Variants in ABLIM3 observed in about 807,000 individuals in gnomAD.
ABLIM3 encodes the protein actin-binding LIM protein 3.
ABLIM3 carries 61 observed loss-of-function variants against 109.5 expected under a neutral mutation model. The ratio of observed to expected loss-of-function variants is 0.56; its 90% CI spans 0.45 to 0.69. The LOEUF (loss-of-function observed/expected upper bound fraction) is 0.69, where lower values mean the gene tolerates loss of function less well. Among genes scored for constraint, ABLIM3 ranks in the 30% least tolerant of loss-of-function variants. ABLIM3 has a pLI of 0.00. For synonymous variants in ABLIM3, 300 were observed against 324.8 expected (o/e 0.92, Z 0.82); for missense variants, 796 against 889.5 (o/e 0.89, Z 1.34).
intron 8 of ABLIM3, chr5:149,219,602 C>T (rs367933004): frequency 1.3e-5 from 2 of 152,202 alleles, no homozygotes; most frequent in South Asian, 2.1e-4. Flanking sequence ...CCACTTTACC[C>T]CTGGGACCCA....
chr5:149,173,931 A>G (rs368453272), intron 2 of ABLIM3, among the ~76,000 whole-genome samples: 22 of 149,614 alleles, frequency 1.5e-4, no homozygotes, highest in African/African-American at 5.4e-4. Context: ...CTGAGGCAGG[A>G]GAATGGCGTG....
intron 23 of ABLIM3, among the ~76,000 whole-genome samples, chr5:149,253,319 G>A (rs1041140474): frequency 6.6e-6 from 1 of 152,180 alleles, no homozygotes; most frequent in African/African-American, 2.4e-5. Context: ...GCATAAGTAA[G>A]TCTTGAGTCA....
At chr5:149,213,747 G>A (rs1490948023) in intron 7 of ABLIM3, among the ~76,000 whole-genome samples, 11 of 152,054 alleles carry the variant, frequency 7.2e-5, no homozygotes, top group Admixed American at 3.3e-4. Context: ...CTCCCAGGCA[G>A]CTGTTGTGAC....
chr5:149,178,981 C>T lies in ABLIM3; in HGVS notation c.14-4471C>T, dbSNP rs79609903. ...TGGAACCCAGGTTACCCCAGCCACA[C>T]GGAGACAAAGAACAACAGATGAGAG... On this transcript the variant is annotated intron_variant, in intron 2 of 23. Transcript: ENST00000309868. Among the ~76,000 whole-genome samples, 1,823 of 152,190 alleles carry T rather than the reference C, an allele frequency of 0.012. 84 individuals are homozygous for T. In the East Asian group the frequency reaches 0.15, roughly 13 times the overall value.
At chr5:149,241,940 C>G (rs143515671) in intron 14 of ABLIM3, among the ~76,000 whole-genome samples, 16 of 152,276 alleles carry the variant, frequency 1.1e-4, no homozygotes, top group African/African-American at 2.6e-4. Context: ...CACAGCAGAG[C>G]CAGGGCTGAA....
intron 2 of ABLIM3, among the ~76,000 whole-genome samples, chr5:149,163,439 G>T (rs1040802517): frequency 6.6e-6 from 1 of 152,028 alleles, no homozygotes; most frequent in South Asian, 2.1e-4. Context: ...TACCACACAC[G>T]GGGTGGCTTA....
At position 149,185,662 on chromosome 5, in the gene ABLIM3, T is replaced by C. The variant is rs140524981; in HGVS notation, c.151+2073T>C. Among the ~76,000 whole-genome samples, 774 of 152,314 alleles carry C rather than the reference T, an allele frequency of 5.1e-3. 14 individuals are homozygous for C. Among genetic ancestry groups the C allele is most frequent in the African/African-American group, 0.018 (740 of 41,542 alleles). On this transcript the variant is annotated intron_variant, in intron 3 of 23. Coordinates refer to ENST00000309868, the MANE Select transcript of ABLIM3 (RefSeq NM_014945.5). ...TTTTTCTGAATATTTTCAATGTCCGTTTGCTTAAAGGTAAAAGAAATGAGA... is the reference window on the plus strand; with the variant it reads ...TTTTTCTGAATATTTTCAATGTCCGCTTGCTTAAAGGTAAAAGAAATGAGA...
chr5:149,227,038 C>T (rs951942706), intron 8 of ABLIM3, among the ~76,000 whole-genome samples: 82 of 147,662 alleles, frequency 5.6e-4, no homozygotes, highest in Non-Finnish European at 1.1e-3. Context: ...CCATTGCACT[C>T]CAGCCTGGGC....
chr5:149,176,410 CT>C (rs1266848926), intron 2 of ABLIM3, among the ~76,000 whole-genome samples: 1 of 152,204 alleles, frequency 6.6e-6, no homozygotes, highest in Non-Finnish European at 1.5e-5. Flanking sequence ...ACCTTTACCC[CT>C]GCTTCCCACT....
rs1754743876 is a variant in ABLIM3, at chr5:149,259,694, C to G, written c.*1290C>G. The G allele has an allele frequency of 8.6e-7, 1 of 1,167,530 alleles. No homozygotes were observed. The highest frequency in any genetic ancestry group is 1.2e-6 in the Non-Finnish European group (1 of 815,864). 72.3% of individuals were successfully genotyped at this position (1,167,530 alleles called of 1,614,324 possible). A position where few individuals can be genotyped will look rare whatever the true frequency, so the allele number is the denominator to read the frequency against. On this transcript the variant is annotated 3_prime_UTR_variant, in exon 24 of 24. Transcript: ENST00000309868. ...AAAGCTTAACCTCTCTTCTCCTCTC[C>G]AAACCTTTCACCTTGAATGGGTAAT...
rs140649548 is a variant in ABLIM3, at chr5:149,178,915, G to A, written c.14-4537G>A. Among the ~76,000 whole-genome samples, 462 of 152,236 alleles carry A rather than the reference G, an allele frequency of 3.0e-3. 2 individuals are homozygous for A. The highest frequency in any genetic ancestry group is 0.011 in the African/African-American group (446 of 41,524). On this transcript the variant is annotated intron_variant, in intron 2 of 23. Transcript: ENST00000309868. ...ATTGGGGCCAAAGAGGTTAGATGAC[G>A]TGCCCAAAATTAGAACAGTAGGTAA...
chr5:149,199,004 C>A (rs1399001905), intron 4 of ABLIM3: 2 of 455,230 alleles, frequency 4.4e-6, no homozygotes, highest in South Asian at 1.6e-5. Context: ...TTTTATTATC[C>A]TTTTCATTAT....
chr5:149,149,138 C>G (rs1254508349), intron 2 of ABLIM3, among the ~76,000 whole-genome samples: 1 of 152,214 alleles, frequency 6.6e-6, no homozygotes, highest in Non-Finnish European at 1.5e-5. Context: ...CATGCTGGGA[C>G]AGCAAGAACC....
intron 8 of ABLIM3, among the ~76,000 whole-genome samples, chr5:149,225,797 C>T (rs1761126422): frequency 6.6e-6 from 1 of 151,754 alleles, no homozygotes; most frequent in Admixed American, 6.6e-5. Context: ...TGAATGAGAA[C>T]ATACAATGTT....
intron 6 of ABLIM3, among the ~76,000 whole-genome samples, chr5:149,209,283 G>A (rs2918284): frequency 0.42 from 63,204 of 152,024 alleles, 13,623 homozygotes; most frequent in East Asian, 0.64. Context: ...TGGTACCTCT[G>A]CAGCATAGCT....
At chr5:149,164,070 T>C (rs1754617795) in intron 2 of ABLIM3, 1 of 152,246 alleles carries the variant, frequency 6.6e-6, no homozygotes, top group Admixed American at 6.5e-5. Flanking sequence ...AACCATGTTA[T>C]ATGTAGTAAA....
intron 3 of ABLIM3, among the ~76,000 whole-genome samples, chr5:149,192,059 A>G (rs1757530422): frequency 6.6e-6 from 1 of 152,204 alleles, no homozygotes; most frequent in Admixed American, 6.5e-5. Context: ...TACAAAAATT[A>G]TAAAGGAAAC....
intron 2 of ABLIM3, among the ~76,000 whole-genome samples, chr5:149,163,123 T>C (rs1329223055): frequency 4.6e-5 from 7 of 152,150 alleles, no homozygotes; most frequent in Non-Finnish European, 8.8e-5. Flanking sequence ...AGTGAAGTCA[T>C]TGAATGGTTT....
Position 149,247,944 on chromosome 5 carries a change from G to A in ABLIM3, c.1699+15G>A, listed in dbSNP as rs1753550276. On this transcript the variant is annotated intron_variant, in intron 18 of 23. Coordinates refer to ENST00000309868, the MANE Select transcript of ABLIM3 (RefSeq NM_014945.5). ...CCTCAATGGCTGTAAGCATGGCTCT[G>A]GAAGCCCAACGGGGCGGGGACACCT... The A allele has an allele frequency of 1.2e-6, 2 of 1,611,414 alleles. No homozygotes were observed. The highest frequency in any genetic ancestry group is 1.7e-5 in the Admixed American group (1 of 59,872).
Sources: allele counts gnomAD v4.1 joint callset (sites outside exome capture counted in the v4.1 genomes callset), GRCh38; gene constraint gnomAD v4.1.1; transcripts MANE v1.5; gene names NCBI Gene and HGNC (gene_info 2026-07-23, HGNC 2026-07-21).